PRUNE2: variants seen among roughly 807,000 people sequenced by gnomAD.
PRUNE2 encodes prune homolog 2 with BCH domain.
In PRUNE2, 164 loss-of-function variants were observed where a neutral mutation model predicts 252.0. The ratio of observed to expected loss-of-function variants is 0.65; its 90% CI spans 0.57 to 0.74. The LOEUF is 0.74. Among genes scored for constraint, PRUNE2 ranks in the 30% least tolerant of loss-of-function variants. PRUNE2 has a pLI of 0.00. For missense variants in PRUNE2, 3,495 were observed against 3,711.0 expected (o/e 0.94, Z 1.51); for synonymous variants, 1,292 against 1,350.2 (o/e 0.96, Z 0.94).
chr9:76,645,028 A>G, intron 11 of PRUNE2, 119 bp from the exon 12 acceptor site: 1 of 878,446 alleles, frequency 1.1e-6, no homozygotes. Flanking sequence ...GTTTTGTTTC[A>G]TCCTGCAGAA....
At chr9:76,652,902 C>G (rs1847962068) in intron 10 of PRUNE2, among the ~76,000 whole-genome samples, 1 of 152,026 alleles carries the variant, frequency 6.6e-6, no homozygotes, top group South Asian at 2.1e-4. Context: ...TGAAAAAATC[C>G]AAAATCTGAA....
chr9:76,704,009 C>G lies in PRUNE2; in HGVS notation c.7604G>C (p.Arg2535Thr). The G allele has an allele frequency of 7.4e-6, 12 of 1,613,778 alleles. No individual in the cohort carries two copies. Among genetic ancestry groups the G allele is most frequent in the Non-Finnish European group, 1.0e-5 (12 of 1,179,784 alleles). Residue 2535 changes from arginine (R) to threonine (T), a missense_variant, in exon 9 of 19, where the codon AGA becomes ACA. Transcript: ENST00000376718. ...EQIKSEYKEE[R>T]CTEKNEDRHA... ...ACGATCTTCATTCTTCTCTGTACAT[C>G]TTTCTTCCTTGTATTCTGATTTTAT...
At chr9:76,679,925 A>C (rs1434209484) in intron 9 of PRUNE2, among the ~76,000 whole-genome samples, 1 of 152,218 alleles carries the variant, frequency 6.6e-6, no homozygotes, top group East Asian at 1.9e-4. Context: ...AAAACATAGA[A>C]GAAAAACTTC....
At chr9:76,661,598 C>T (rs1851460159) in intron 9 of PRUNE2, among the ~76,000 whole-genome samples, 1 of 151,978 alleles carries the variant, frequency 6.6e-6, no homozygotes, top group African/African-American at 2.4e-5. Flanking sequence ...ATTATTAAGG[C>T]TAAAGAAAGT....
intron 9 of PRUNE2, among the ~76,000 whole-genome samples, chr9:76,693,703 A>C (rs1208856289): frequency 1.3e-5 from 2 of 152,032 alleles, no homozygotes; most frequent in Non-Finnish European, 2.9e-5. Flanking sequence ...TGGCCTCTCA[A>C]AGTGCTGGGA....
At chr9:76,818,949 G>C (rs1479850784) in intron 6 of PRUNE2, among the ~76,000 whole-genome samples, 1 of 152,170 alleles carries the variant, frequency 6.6e-6, no homozygotes, top group Non-Finnish European at 1.5e-5. Flanking sequence ...GGTTGTTGTA[G>C]ACATAGTAAA....
intron 6 of PRUNE2, among the ~76,000 whole-genome samples, chr9:76,805,149 T>C (rs1230831369): frequency 1.3e-5 from 2 of 152,168 alleles, no homozygotes; most frequent in African/African-American, 4.8e-5. Context: ...AAAGACCACA[T>C]GGGGAGAGAG....
chr9:76,622,266 T>C (rs7870516), intron 17 of PRUNE2, among the ~76,000 whole-genome samples: 1 of 151,890 alleles, frequency 6.6e-6, no homozygotes, highest in South Asian at 2.1e-4. Context: ...TTTAGACACA[T>C]TGGGAGAGGG....
chr9:76,852,018 A>G (rs2059988730), intron 2 of PRUNE2, among the ~76,000 whole-genome samples: 1 of 152,204 alleles, frequency 6.6e-6, no homozygotes, highest in Non-Finnish European at 1.5e-5. Context: ...TCACAGTTTT[A>G]ACACCTTAAT....
Position 76,703,418 on chromosome 9 carries a change from T to C in PRUNE2, c.8195A>G (p.Gln2732Arg), listed in dbSNP as rs2046054964. 1.9e-6 allele frequency: 3 copies of C among 1,613,754 alleles called. No individual in the cohort carries two copies. The highest frequency in any genetic ancestry group is 1.7e-6 in the Non-Finnish European group (2 of 1,179,748). The part of the protein sequence containing the change: ...EWEMLSPQPV[Q>R]KNMIPDTEME... ...TTCCGTGTCAGGGATCATGTTTTTC[T>C]GAACAGGCTGTGGTGAAAGCATTTC... Residue 2732 changes from glutamine (Q) to arginine (R), a missense_variant, in exon 9 of 19, where the codon CAG becomes CGG. Coordinates refer to ENST00000376718, the MANE Select transcript of PRUNE2 (RefSeq NM_015225.3).
intron 2 of PRUNE2, among the ~76,000 whole-genome samples, chr9:76,853,884 TA>T (rs1405222353): frequency 1.3e-5 from 2 of 152,230 alleles, no homozygotes; most frequent in East Asian, 3.8e-4. Context: ...TAATGTTTTA[TA>T]AGGAGAGTTG....
At chr9:76,813,203 T>C (rs147730468) in intron 6 of PRUNE2, among the ~76,000 whole-genome samples, 84 of 152,348 alleles carry the variant, frequency 5.5e-4, no homozygotes, top group Non-Finnish European at 1.0e-3. Flanking sequence ...TATTGGTTTA[T>C]TGATTGTCAT....
intron 1 of PRUNE2, among the ~76,000 whole-genome samples, chr9:76,897,337 C>T (rs1182199216): frequency 6.8e-6 from 1 of 147,742 alleles, no homozygotes; most frequent in Non-Finnish European, 1.5e-5. Context: ...TCAGGTGATC[C>T]GGAAGCAAAC....
At chr9:76,776,902 AC>A (rs1422916171) in intron 6 of PRUNE2, among the ~76,000 whole-genome samples, 1 of 71,672 alleles carries the variant, frequency 1.4e-5, no homozygotes, top group Non-Finnish European at 2.7e-5. Flanking sequence ...ATACACACAC[AC>A]ACACACACAC....
rs1450999253 is a variant in PRUNE2, at chr9:76,707,174, T to C, written c.5100A>G (p.Glu1700=). 9 of 1,614,008 alleles carry C rather than the reference T, an allele frequency of 5.6e-6. No homozygotes were observed. Among genetic ancestry groups the C allele is most frequent in the South Asian group, 2.2e-5 (2 of 91,084 alleles). The change falls in exon 8 of 19, where the codon GAA becomes GAG. Residue 1700 remains glutamate, a synonymous_variant. Transcript: ENST00000376718. ...CGTGGCAGTTGGCCACCTGGATCTC[T>C]TCCTCTATTGACTCTTCACCACCGA... is the stretch of plus-strand genomic sequence containing the variant. ...DSVGGEESIE[E]EIQVANCHVA... is the part of the protein sequence containing the mutation.
At chr9:76,683,541 A>C (rs1032643254) in intron 9 of PRUNE2, among the ~76,000 whole-genome samples, 2 of 152,208 alleles carry the variant, frequency 1.3e-5, no homozygotes, top group African/African-American at 4.8e-5. Flanking sequence ...AAATGACCTC[A>C]CTGATAAAAC....
intron 4 of PRUNE2, among the ~76,000 whole-genome samples, chr9:76,842,958 C>T (rs1443072917): frequency 2.6e-5 from 4 of 152,132 alleles, no homozygotes; most frequent in African/African-American, 2.4e-5. Flanking sequence ...CCATTTGATC[C>T]AGCAATCCCA....
intron 6 of PRUNE2, among the ~76,000 whole-genome samples, chr9:76,790,835 T>A (rs1049177060): frequency 2.2e-4 from 33 of 152,180 alleles, no homozygotes; most frequent in African/African-American, 8.0e-4. Context: ...AGTGTCATCA[T>A]ATTCAATAAG....
intron 15 of PRUNE2, among the ~76,000 whole-genome samples, chr9:76,632,071 T>C (rs1318397883): frequency 2.6e-5 from 4 of 152,260 alleles, no homozygotes; most frequent in Admixed American, 6.5e-5. Context: ...GTTGATTCCA[T>C]GTCTTTGCTA....
Sources: gnomAD v4.1 joint callset for allele counts (sites outside exome capture counted in the v4.1 genomes callset) on GRCh38, gnomAD v4.1.1 for gene constraint, MANE v1.5 for transcripts, NCBI Gene and HGNC (gene_info 2026-07-23, HGNC 2026-07-21) for gene names.